Variants in GPR52 observed in about 807,000 individuals in gnomAD.
The protein encoded by GPR52 is probable G-protein coupled receptor 52.
A neutral mutation model predicts 24.0 loss-of-function variants in GPR52; 8 were observed. The ratio of observed to expected loss-of-function variants is 0.33; its 90% CI spans 0.20 to 0.60. GPR52 has a LOEUF of 0.60. Among genes scored for constraint, GPR52 ranks in the 20% least tolerant of loss-of-function variants. GPR52 has a pLI of 0.82. For synonymous variants in GPR52, 144 were observed against 158.1 expected (o/e 0.91, Z 0.67); for missense variants, 412 against 447.7 (o/e 0.92, Z 0.72).
chr1:174,448,417 C>A lies in GPR52; in HGVS notation c.306C>A (p.Leu102=). 6.2e-7 allele frequency: 1 copy of A among 1,612,522 alleles called. No homozygotes were observed. Among genetic ancestry groups the A allele is most frequent in the African/African-American group, 1.3e-5 (1 of 75,026 alleles). Residue 102 remains leucine, a synonymous_variant, in exon 1 of 1, where the codon CTC becomes CTA. Transcript: ENST00000367685. The surrounding 1 kb of genome is among the most constrained non-coding windows in gnomAD (Gnocchi z 4.2). The part of the protein sequence containing the change: ...VSCLVPTLSL[L]HYSTGVHESL... ...GCTTGGTTCCTACTCTGTCACTTCT[C>A]CACTACTCCACAGGTGTCCACGAGT...
In GPR52 at chr1:174,449,070, C is replaced by T; in HGVS notation, c.959C>T (p.Ser320Phe). The T allele has an allele frequency of 1.2e-6, 2 of 1,614,084 alleles. No homozygotes were observed. The highest frequency in any genetic ancestry group is 1.7e-6 in the Non-Finnish European group (2 of 1,179,930). ...TGTAACTGTGTAATATACAGCCTCTCCAACAGCGTTTTCCGGCTAGGCCTC... is the reference window on the plus strand; with the variant it reads ...TGTAACTGTGTAATATACAGCCTCTTCAACAGCGTTTTCCGGCTAGGCCTC... Reference protein sequence around the residue: ...SFCNCVIYSLSNSVFRLGLRR... With the variant: ...SFCNCVIYSLFNSVFRLGLRR... The change falls in exon 1 of 1, where the codon TCC becomes TTC. Residue 320 changes from serine (S) to phenylalanine (F), a missense_variant. By Grantham distance (155) the Ser-to-Phe change is radical. Transcript: ENST00000367685.
chr1:174,449,133 G>T lies in GPR52; in HGVS notation c.1022G>T (p.Cys341Phe). Residue 341 changes from cysteine to phenylalanine, a missense_variant, in exon 1 of 1, where the codon TGT (cysteine) becomes TTT (phenylalanine). Coordinates refer to ENST00000367685, the MANE Select transcript of GPR52 (RefSeq NM_005684.5). ...GAGACAATGTGCACATCCTGTATGTGTGTGAAGGATCAGGAAGCACAAGAA... is the reference window on the plus strand; with the variant it reads ...GAGACAATGTGCACATCCTGTATGTTTGTGAAGGATCAGGAAGCACAAGAA... ...LSETMCTSCMCVKDQEAQEPK... is the reference protein window; with the variant it reads ...LSETMCTSCMFVKDQEAQEPK... The T allele has an allele frequency of 6.2e-7, 1 of 1,611,726 alleles. No homozygotes were observed. Among genetic ancestry groups the T allele is most frequent in the Non-Finnish European group, 8.5e-7 (1 of 1,179,008 alleles).
rs779775199 is a variant in GPR52, at chr1:174,449,084, C to T, written c.973C>T (p.Arg325Trp). ...ATACAGCCTCTCCAACAGCGTTTTC[C>T]GGCTAGGCCTCCGAAGACTGTCTGA... ...VIYSLSNSVF[R>W]LGLRRLSETM... Residue 325 changes from arginine to tryptophan, a missense_variant, in exon 1 of 1, where the codon CGG (arginine) becomes TGG (tryptophan). By Grantham distance (101) the Arg-to-Trp change is moderately radical (BLOSUM62 -3). Transcript: ENST00000367685. 1.2e-5 allele frequency: 20 copies of T among 1,613,898 alleles called. No individual in the cohort carries two copies. The highest frequency in any genetic ancestry group is 7.7e-5 in the South Asian group (7 of 91,086).
rs199625717 is a variant in GPR52 at position 174,448,852 on chromosome 1, T to C, written c.741T>C (p.His247=). 5.3e-5 allele frequency: 85 copies of C among 1,613,762 alleles called. No individual in the cohort carries two copies. The highest frequency in any genetic ancestry group is 6.6e-5 in the Non-Finnish European group (78 of 1,179,670). The change falls in exon 1 of 1, where the codon CAT becomes CAC. Residue 247 remains histidine (H), a synonymous_variant. Transcript: ENST00000367685. The surrounding 1 kb of genome is among the most constrained non-coding windows in gnomAD (Gnocchi z 4.2). Reference sequence around the variant, plus strand: ...ACCGAAGAGCCCGATTCCCTAGTCATGAGGTAGATTCTTCCAGAGAGACTG... The same window carrying C: ...ACCGAAGAGCCCGATTCCCTAGTCACGAGGTAGATTCTTCCAGAGAGACTG... The part of the protein sequence containing the change: ...INDRRARFPS[H]EVDSSRETGH...
chr1:174,448,983 G>A lies in GPR52; in HGVS notation c.872G>A (p.Arg291Gln), dbSNP rs767839389. Residue 291 changes from arginine to glutamine, a missense_variant, in exon 1 of 1, where the codon CGG becomes CAG. Physicochemically the swap from Arg to Gln is conservative, Grantham distance 43 (BLOSUM62 1). Coordinates refer to ENST00000367685, the MANE Select transcript of GPR52 (RefSeq NM_005684.5). This position sits in a 1 kb window ranked among gnomAD's most constrained non-coding sequence, Gnocchi z 4.2. Reference protein sequence around the residue: ...YIIYFLLESSRVLDNPTLSFL... With the variant: ...YIIYFLLESSQVLDNPTLSFL... ...ATTTACTTTCTTCTAGAAAGCTCCC[G>A]GGTCTTGGACAATCCAACTCTGTCC... 5.0e-6 allele frequency: 8 copies of A among 1,613,416 alleles called. No homozygotes were observed. The highest frequency in any genetic ancestry group is 1.6e-4 in the Middle Eastern group (1 of 6,084).
chr1:174,448,313 G>A lies in GPR52; in HGVS notation c.202G>A (p.Ala68Thr). Residue 68 changes from alanine (A) to threonine (T), a missense_variant, in exon 1 of 1, where the codon GCT becomes ACT. Coordinates refer to ENST00000367685, the MANE Select transcript of GPR52 (RefSeq NM_005684.5). This position sits in a 1 kb window ranked among gnomAD's most constrained non-coding sequence, Gnocchi z 4.2. ...AACAGTTATCTTTGTCTTTCATTGTGCTCCACTGTTACATCATTATACTAC... is the reference window on the plus strand; with the variant it reads ...AACAGTTATCTTTGTCTTTCATTGTACTCCACTGTTACATCATTATACTAC... Reference protein sequence around the residue: ...NLTVIFVFHCAPLLHHYTTSY... With the variant: ...NLTVIFVFHCTPLLHHYTTSY... 1.2e-6 allele frequency: 2 copies of A among 1,612,886 alleles called. No homozygotes were observed. Among genetic ancestry groups the A allele is most frequent in the African/African-American group, 1.3e-5 (1 of 74,994 alleles).
rs1387817607 is a variant in GPR52, at chr1:174,448,538, A to G, written c.427A>G (p.Ile143Val). ...ACISVDRYLA[I>V]TKPLSYNQLV... ...CATCAGTGTGGATCGTTATCTTGCA[A>G]TAACCAAGCCTCTTTCCTACAATCA... The change falls in exon 1 of 1, where the codon ATA becomes GTA. Residue 143 changes from isoleucine to valine, a missense_variant. Physicochemically the swap from Ile to Val is conservative, Grantham distance 29. Coordinates refer to ENST00000367685, the MANE Select transcript of GPR52 (RefSeq NM_005684.5). This position sits in a 1 kb window ranked among gnomAD's most constrained non-coding sequence, Gnocchi z 4.2. The G allele has an allele frequency of 4.3e-6, 7 of 1,612,934 alleles. No individual in the cohort carries two copies. The highest frequency in any genetic ancestry group is 2.2e-5 in the East Asian group (1 of 44,838).
Position 174,449,124 on chromosome 1 carries a change from C to A in GPR52, c.1013C>A (p.Ser338Tyr), listed in dbSNP as rs777179199. Reference sequence around the variant, plus strand: ...AGACTGTCTGAGACAATGTGCACATCCTGTATGTGTGTGAAGGATCAGGAA... The same window carrying A: ...AGACTGTCTGAGACAATGTGCACATACTGTATGTGTGTGAAGGATCAGGAA... ...LRRLSETMCT[S>Y]CMCVKDQEAQ... The change falls in exon 1 of 1, where the codon TCC becomes TAC. Residue 338 changes from serine (S) to tyrosine (Y), a missense_variant. Coordinates refer to ENST00000367685, the MANE Select transcript of GPR52 (RefSeq NM_005684.5). The A allele has an allele frequency of 6.2e-7, 1 of 1,613,060 alleles. No individual in the cohort carries two copies. The highest frequency in any genetic ancestry group is 8.5e-7 in the Non-Finnish European group (1 of 1,179,202).
rs1326938414 is a variant in GPR52 at position 174,448,243 on chromosome 1, A to G, written c.132A>G (p.Thr44=). The change falls in exon 1 of 1, where the codon ACA becomes ACG. Residue 44 remains threonine, a synonymous_variant. Transcript: ENST00000367685. This position sits in a 1 kb window ranked among gnomAD's most constrained non-coding sequence, Gnocchi z 4.2. The part of the protein sequence containing the change: ...YSVVDVCIFE[T]VVIVLLTFLI... ...TGGTGGATGTCTGCATCTTCGAGAC[A>G]GTGGTTATTGTGTTGCTGACATTTC... 1 of 1,614,080 alleles carries G rather than the reference A, an allele frequency of 6.2e-7. No individual in the cohort carries two copies.
Position 174,448,873 on chromosome 1 carries a change from G to C in GPR52, c.762G>C (p.Glu254Asp). 1.2e-6 allele frequency: 2 copies of C among 1,613,804 alleles called. No homozygotes were observed. Among genetic ancestry groups the C allele is most frequent in the African/African-American group, 1.3e-5 (1 of 75,042 alleles). Residue 254 changes from glutamate (E) to aspartate (D), a missense_variant, in exon 1 of 1, where the codon GAG becomes GAC. Transcript: ENST00000367685. This position sits in a 1 kb window ranked among gnomAD's most constrained non-coding sequence, Gnocchi z 4.2. ...GTCATGAGGTAGATTCTTCCAGAGA[G>C]ACTGGACACAGCCCTGACCGTCGCT... ...FPSHEVDSSR[E>D]TGHSPDRRYA...
At position 174,449,100 on chromosome 1, in the gene GPR52, G is replaced by T. The variant is rs1297539490; in HGVS notation, c.989G>T (p.Arg330Ile). Residue 330 changes from arginine (R) to isoleucine (I), a missense_variant, in exon 1 of 1, where the codon AGA (arginine) becomes ATA (isoleucine). By Grantham distance (97) the Arg-to-Ile change is moderately conservative. Coordinates refer to ENST00000367685, the MANE Select transcript of GPR52 (RefSeq NM_005684.5). ...AGCGTTTTCCGGCTAGGCCTCCGAAGACTGTCTGAGACAATGTGCACATCC... is the reference window on the plus strand; with the variant it reads ...AGCGTTTTCCGGCTAGGCCTCCGAATACTGTCTGAGACAATGTGCACATCC... ...SNSVFRLGLR[R>I]LSETMCTSCM... is the part of the protein sequence containing the mutation. 1 of 1,614,010 alleles carries T rather than the reference G, an allele frequency of 6.2e-7. No homozygotes were observed. Among genetic ancestry groups the T allele is most frequent in the Non-Finnish European group, 8.5e-7 (1 of 1,179,856 alleles).
Position 174,448,961 on chromosome 1 carries a change from T to C in GPR52, c.850T>C (p.Tyr284His), listed in dbSNP as rs1445847134. The C allele has an allele frequency of 6.2e-7, 1 of 1,613,972 alleles. No homozygotes were observed. ...FYMLWLPYII[Y>H]FLLESSRVLD... Reference sequence around the variant, plus strand: ...TATGCTGTGGCTCCCCTATATAATTTACTTTCTTCTAGAAAGCTCCCGGGT... The same window carrying C: ...TATGCTGTGGCTCCCCTATATAATTCACTTTCTTCTAGAAAGCTCCCGGGT... Residue 284 changes from tyrosine to histidine, a missense_variant, in exon 1 of 1, where the codon TAC becomes CAC. Physicochemically the swap from Tyr to His is moderately conservative, Grantham distance 83 (BLOSUM62 2). Coordinates refer to ENST00000367685, the MANE Select transcript of GPR52 (RefSeq NM_005684.5). The surrounding 1 kb of genome is among the most constrained non-coding windows in gnomAD (Gnocchi z 4.2).
In GPR52 at chr1:174,449,204, C is replaced by T. The variant is rs1558244271; in HGVS notation, c.*7C>T. 6.4e-7 allele frequency: 1 copy of T among 1,552,728 alleles called. No homozygotes were observed. The highest frequency in any genetic ancestry group is 2.3e-5 in the East Asian group (1 of 44,430). On this transcript the variant is annotated 3_prime_UTR_variant, in exon 1 of 1. Coordinates refer to ENST00000367685, the MANE Select transcript of GPR52 (RefSeq NM_005684.5). ...TAATTCTTGCTCCATTTGAAGAGAGCTACATAGTAAATCAAATGTAATCTG... is the reference window on the plus strand; with the variant it reads ...TAATTCTTGCTCCATTTGAAGAGAGTTACATAGTAAATCAAATGTAATCTG...
chr1:174,448,483 A>G lies in GPR52; in HGVS notation c.372A>G (p.Leu124=). The change falls in exon 1 of 1, where the codon CTA becomes CTG. Residue 124 remains leucine, a synonymous_variant. Coordinates refer to ENST00000367685, the MANE Select transcript of GPR52 (RefSeq NM_005684.5). The surrounding 1 kb of genome is among the most constrained non-coding windows in gnomAD (Gnocchi z 4.2). ...TTTTTGGATATATCATCTCAGTTCTAAAAAGTGTTTCTATGGCATGTCTTG... is the reference window on the plus strand; with the variant it reads ...TTTTTGGATATATCATCTCAGTTCTGAAAAGTGTTTCTATGGCATGTCTTG... ...CQVFGYIISV[L]KSVSMACLAC... The G allele has an allele frequency of 6.2e-7, 1 of 1,613,722 alleles. No homozygotes were observed. Among genetic ancestry groups the G allele is most frequent in the Non-Finnish European group, 8.5e-7 (1 of 1,179,686 alleles).
rs989584693 is a variant in GPR52 at position 174,449,290 on chromosome 1, C to T, written c.*93C>T. 1 of 1,082,530 alleles carries T rather than the reference C, an allele frequency of 9.2e-7. No individual in the cohort carries two copies. Among genetic ancestry groups the T allele is most frequent in the African/African-American group, 1.6e-5 (1 of 63,292 alleles). 67.1% of individuals were successfully genotyped at this position (1,082,530 alleles called of 1,614,324 possible). A position where few individuals can be genotyped will look rare whatever the true frequency, so the allele number is the denominator to read the frequency against. ...AAATTTGCCATCAGAGAAATATTTACTTGAATAGTTGACTGTAAAATGAAG... is the reference window on the plus strand; with the variant it reads ...AAATTTGCCATCAGAGAAATATTTATTTGAATAGTTGACTGTAAAATGAAG... On this transcript the variant is annotated 3_prime_UTR_variant, in exon 1 of 1. Coordinates refer to ENST00000367685, the MANE Select transcript of GPR52 (RefSeq NM_005684.5).
chr1:174,448,390 C>T lies in GPR52; in HGVS notation c.279C>T (p.Ser93=), dbSNP rs1278817336. 6.2e-7 allele frequency: 1 copy of T among 1,613,400 alleles called. No homozygotes were observed. The part of the protein sequence containing the change: ...MAYADLFVGV[S]CLVPTLSLLH... ...ATGCTGATCTTTTCGTTGGAGTTAG[C>T]TGCTTGGTTCCTACTCTGTCACTTC... Residue 93 remains serine, a synonymous_variant, in exon 1 of 1, where the codon AGC becomes AGT. Transcript: ENST00000367685. This position sits in a 1 kb window ranked among gnomAD's most constrained non-coding sequence, Gnocchi z 4.2.
Position 174,448,694 on chromosome 1 carries a change from A to G in GPR52, c.583A>G (p.Thr195Ala). 6.2e-7 allele frequency: 1 copy of G among 1,614,052 alleles called. No individual in the cohort carries two copies. Among genetic ancestry groups the G allele is most frequent in the South Asian group, 1.1e-5 (1 of 91,074 alleles). Reference protein sequence around the residue: ...YHGDIFEWCATSWLTSAYFTG... With the variant: ...YHGDIFEWCAASWLTSAYFTG... ...TGGTGACATTTTTGAATGGTGTGCCACGTCTTGGCTCACCAGTGCCTATTT... is the reference window on the plus strand; with the variant it reads ...TGGTGACATTTTTGAATGGTGTGCCGCGTCTTGGCTCACCAGTGCCTATTT... The change falls in exon 1 of 1, where the codon ACG (threonine) becomes GCG (alanine). Residue 195 changes from threonine (T) to alanine (A), a missense_variant. Transcript: ENST00000367685. This position sits in a 1 kb window ranked among gnomAD's most constrained non-coding sequence, Gnocchi z 4.2.
rs1281855441 is a variant in GPR52 at position 174,448,441 on chromosome 1, G to A, written c.330G>A (p.Glu110=). 2 of 1,613,590 alleles carry A rather than the reference G, an allele frequency of 1.2e-6. No homozygotes were observed. Among genetic ancestry groups the A allele is most frequent in the Admixed American group, 3.3e-5 (2 of 59,996 alleles). ...TCCACTACTCCACAGGTGTCCACGA[G>A]TCATTGACTTGCCAGGTTTTTGGAT... ...SLLHYSTGVH[E]SLTCQVFGYI... Residue 110 remains glutamate (E), a synonymous_variant, in exon 1 of 1, where the codon GAG becomes GAA. Transcript: ENST00000367685. This position sits in a 1 kb window ranked among gnomAD's most constrained non-coding sequence, Gnocchi z 4.2.
Position 174,449,284 on chromosome 1 carries a change from T to C in GPR52, c.*87T>C, listed in dbSNP as rs1655161076. ...ATCTGGAAATTTGCCATCAGAGAAATATTTACTTGAATAGTTGACTGTAAA... is the reference window on the plus strand; with the variant it reads ...ATCTGGAAATTTGCCATCAGAGAAACATTTACTTGAATAGTTGACTGTAAA... On this transcript the variant is annotated 3_prime_UTR_variant, in exon 1 of 1. Transcript: ENST00000367685. The C allele has an allele frequency of 5.1e-5, 58 of 1,144,234 alleles. No homozygotes were observed. The South Asian group carries it at 8.3e-4, about 16-fold the overall frequency. The allele number at this position is 1,144,234 out of a possible 1,614,324, so 70.9% of individuals were successfully genotyped here. A position where few individuals can be genotyped will look rare whatever the true frequency, so the allele number is the denominator to read the frequency against.
Sources: gnomAD v4.1 joint callset for allele counts on GRCh38, gnomAD v4.1.1 for gene constraint, Gnocchi (gnomAD v3.1) non-coding constraint, MANE v1.5 for transcripts, NCBI Gene and HGNC (gene_info 2026-07-23, HGNC 2026-07-21) for gene names.